The following CD44 variants were observed in gnomAD, a reference collection of about 807,000 sequenced individuals.
CD44 encodes the protein CD44 antigen.
In CD44, 49 loss-of-function variants were observed where a neutral mutation model predicts 88.8. The observed-to-expected ratio is 0.55, with a 90% CI of 0.44 to 0.70. CD44 has a LOEUF of 0.70. Among genes scored for constraint, CD44 ranks in the 30% least tolerant of loss-of-function variants. The probability of loss-of-function intolerance (pLI) is 0.00; values close to 1 mark genes in which losing one functional copy is unlikely to be tolerated. For missense variants in CD44, 883 were observed against 913.8 expected, an observed-to-expected ratio of 0.97 and a Z score of 0.43; for synonymous variants, 325 against 312.3, an observed-to-expected ratio of 1.04 and a Z score of -0.43.
chr11:35,211,189 C>T (rs1948355484), intron 13 of CD44, 57 bp from the exon 14 acceptor site: 1 of 1,324,184 alleles, frequency 7.6e-7, no homozygotes, highest in South Asian at 1.2e-5. Context: ...GAGACAAGCA[C>T]ATGGTGGGTG....
At chr11:35,148,380 GA>G in intron 1 of CD44, among the ~76,000 whole-genome samples, 1 of 152,240 alleles carries the variant, frequency 6.6e-6, no homozygotes, top group East Asian at 1.9e-4. Flanking sequence ...GCAAGAGGGG[GA>G]GGGGAATTCA....
intron 2 of CD44, among the ~76,000 whole-genome samples, chr11:35,178,907 C>T (rs1415400946): frequency 1.3e-5 from 2 of 152,188 alleles, no homozygotes; most frequent in Non-Finnish European, 2.9e-5. Context: ...TATGAATCAG[C>T]TTTCTGCCAC....
intron 14 of CD44, chr11:35,214,092 A>G (rs1329593913): frequency 6.6e-6 from 1 of 152,024 alleles, no homozygotes; most frequent in Non-Finnish European, 1.5e-5. Flanking sequence ...ATGGATTTAG[A>G]TTCTAGCAAT....
intron 1 of CD44, among the ~76,000 whole-genome samples, chr11:35,155,004 C>T (rs1392891131): frequency 6.6e-6 from 1 of 152,092 alleles, no homozygotes; most frequent in Non-Finnish European, 1.5e-5. Flanking sequence ...CCCACAGTTC[C>T]AGGCATCCTA....
chr11:35,150,656 A>T (rs1160367200), intron 1 of CD44, among the ~76,000 whole-genome samples: 9 of 152,188 alleles, frequency 5.9e-5, no homozygotes. Flanking sequence ...AAAATCCCAG[A>T]TGTGCTCAGA....
In CD44 at chr11:35,140,831, G is replaced by A. The variant is rs148551662; in HGVS notation, c.67+1461G>A. ...GGTCAGGAGTTTGAGACCAGCCTTG[G>A]CCAACATGGTGAAACCCCATCTTTA... On this transcript the variant is annotated intron_variant, in intron 1 of 17. Coordinates refer to ENST00000428726, the MANE Select transcript of CD44 (RefSeq NM_000610.4). Among the ~76,000 whole-genome samples the A allele has an allele frequency of 7.2e-4, 110 of 152,206 alleles. No homozygotes were observed. In the East Asian group the frequency reaches 0.019, roughly 26 times the overall value.
rs1860256412 is a variant in CD44, at chr11:35,151,204, CAGGGG to C, written c.67+11840_67+11844del. On this transcript the variant is annotated intron_variant, in intron 1 of 17. Transcript: ENST00000428726. ...GGAATAAGAATGGCTTGATTGGGGC[CAGGGG>C]AGGGGTCTGTCTGCTTGGATAAGAG... Among the ~76,000 whole-genome samples, 3 of 151,936 alleles carry C rather than the reference CAGGGG, an allele frequency of 2.0e-5. No individual in the cohort carries two copies. The South Asian group carries it at 6.2e-4, about 32-fold the overall frequency.
At chr11:35,168,954 T>C (rs1183806344) in intron 1 of CD44, among the ~76,000 whole-genome samples, 1 of 152,226 alleles carries the variant, frequency 6.6e-6, no homozygotes, top group Non-Finnish European at 1.5e-5. Context: ...TAAAAGTTGG[T>C]CTCTGAAACA....
intron 5 of CD44, among the ~76,000 whole-genome samples, chr11:35,191,146 G>A (rs539452211): frequency 6.6e-6 from 1 of 152,218 alleles, no homozygotes; most frequent in South Asian, 2.1e-4. Context: ...GTGAAACTTG[G>A]GCCTCCAAAG....
chr11:35,200,181 A>G (rs1947179479), intron 7 of CD44, among the ~76,000 whole-genome samples: 1 of 152,092 alleles, frequency 6.6e-6, no homozygotes, highest in Admixed American at 6.6e-5. Context: ...TGACAGTATT[A>G]TAGTTCTGAA....
chr11:35,196,699 A>G (rs773253449), intron 5 of CD44, 47 bp from the exon 6 acceptor site: 1 of 1,593,642 alleles, frequency 6.3e-7, no homozygotes, highest in Non-Finnish European at 8.6e-7. Flanking sequence ...TTTCTTAGGA[A>G]CCGTTAATTA....
chr11:35,201,912 T>C (rs1947353477), intron 9 of CD44, 125 bp downstream of exon 9: 3 of 1,035,210 alleles, frequency 2.9e-6, no homozygotes, highest in Non-Finnish European at 4.2e-6. Flanking sequence ...TCTTTTATTC[T>C]TAGAGCCTGA....
intron 3 of CD44, among the ~76,000 whole-genome samples, chr11:35,181,914 T>TTATATTTATATATTATCATATATATATTA (rs1554962187): frequency 1.5e-5 from 1 of 67,742 alleles, no homozygotes; most frequent in African/African-American, 8.7e-5. Flanking sequence ...ATAATATATA[T>TTATATTTATATATTATCATATATATATTA]TATATATTAT....
chr11:35,186,704 A>G (rs3736812), intron 3 of CD44, 128 bp from the exon 4 acceptor site: 137,387 of 602,372 alleles, frequency 0.23, 18,008 homozygotes, highest in East Asian at 0.42. Flanking sequence ...CCAACTTAGG[A>G]GTTTCGGAAA....
rs1199052099 is a variant in CD44, at chr11:35,211,461, T to A, written c.1810+12T>A. The A allele has an allele frequency of 1.2e-6, 2 of 1,601,314 alleles. No homozygotes were observed. Among genetic ancestry groups the A allele is most frequent in the Admixed American group, 1.7e-5 (1 of 59,950 alleles). ...TCGTTCCTTATCAGGTAATTTGGCA[T>A]TTATTATCTAGTTTGCTTTCTCTAT... On this transcript the variant is annotated intron_variant, in intron 14 of 17. Transcript: ENST00000428726.
At chr11:35,167,246 T>C (rs76796854) in intron 1 of CD44, among the ~76,000 whole-genome samples, 69 of 149,918 alleles carry the variant, frequency 4.6e-4, no homozygotes, top group African/African-American at 1.7e-3. Flanking sequence ...TATGAACCAC[T>C]GAGTTTTGTG....
chr11:35,217,456 A>G (rs1293847681), intron 15 of CD44, among the ~76,000 whole-genome samples: 1 of 152,052 alleles, frequency 6.6e-6, no homozygotes, highest in African/African-American at 2.4e-5. Flanking sequence ...TGAGTTGGGC[A>G]GGTGAAAACC....
chr11:35,180,139 G>A (rs540602360), intron 2 of CD44, 135 bp from the exon 3 acceptor site: 228 of 735,158 alleles, frequency 3.1e-4, no homozygotes, highest in Non-Finnish European at 3.7e-4. Flanking sequence ...CAAATAACTC[G>A]GTTGTTGAAA....
rs773014622 is a variant in CD44 at position 35,139,728 on chromosome 11, G to C, written c.67+358G>C. The C allele has an allele frequency of 1.7e-4, 88 of 521,938 alleles. 2 individuals are homozygous for C. The Middle Eastern group carries it at 1.9e-3, about 11-fold the overall frequency. The allele number at this position is 521,938 out of a possible 1,614,324, so 32.3% of individuals were successfully genotyped here. A position where few individuals can be genotyped will look rare whatever the true frequency, so the allele number is the denominator to read the frequency against. On this transcript the variant is annotated intron_variant, in intron 1 of 17. Transcript: ENST00000428726. ...AACAGGCTCCTGTGCCCAAGGGCTC[G>C]CCAAGCCCCACCGGGCTGTGTCTAG... is the stretch of plus-strand genomic sequence containing the variant.
Sources: gnomAD v4.1 joint callset for allele counts (sites outside exome capture counted in the v4.1 genomes callset) on GRCh38, gnomAD v4.1.1 for gene constraint, MANE v1.5 for transcripts, NCBI Gene and HGNC (gene_info 2026-07-23, HGNC 2026-07-21) for gene names.